Variants in ZFYVE28 observed in about 807,000 individuals in gnomAD.
ZFYVE28 encodes lateral signaling target protein 2 homolog.
In ZFYVE28, 40 loss-of-function variants were observed where a neutral mutation model predicts 82.1. The observed-to-expected ratio is 0.49, with a 90% CI of 0.38 to 0.63. ZFYVE28 has a LOEUF of 0.63. ZFYVE28 is among the 30% of genes least tolerant of loss of function. The pLI is 0.00. For missense variants in ZFYVE28, 1,321 were observed against 1,242.1 expected, an observed-to-expected ratio of 1.06 and a Z score of -0.96; for synonymous variants, 612 against 546.1, an observed-to-expected ratio of 1.12 and a Z score of -1.68.
At chr4:2,272,115 C>A (rs980525262) in intron 10 of ZFYVE28, among the ~76,000 whole-genome samples, 3 of 152,230 alleles carry the variant, frequency 2.0e-5, no homozygotes, top group Non-Finnish European at 4.4e-5. Context: ...GGCCATGTCA[C>A]CTGCCGTCTC....
rs2108694528 is a variant in ZFYVE28, at chr4:2,416,418, T to G, written c.39+1867A>C. Among the ~76,000 whole-genome samples, 1 of 152,296 alleles carries G rather than the reference T, an allele frequency of 6.6e-6. No homozygotes were observed. Among genetic ancestry groups the G allele is most frequent in the African/African-American group, 2.4e-5 (1 of 41,572 alleles). The stretch of plus-strand genomic sequence containing the variant: ...AAGTGCCTTCAGCGACACCAGAATG[T>G]TAGTTAAGACCTAAGACACATTTCT... On this transcript the variant is annotated intron_variant, in intron 1 of 12. Coordinates refer to ENST00000290974, the MANE Select transcript of ZFYVE28 (RefSeq NM_020972.3). This position sits in a 1 kb window ranked among gnomAD's most constrained non-coding sequence, Gnocchi z 4.6.
At chr4:2,391,589 C>T (rs1399613551) in intron 1 of ZFYVE28, among the ~76,000 whole-genome samples, 2 of 151,570 alleles carry the variant, frequency 1.3e-5, no homozygotes, top group East Asian at 1.9e-4. Flanking sequence ...ACCATCCCTC[C>T]CCAGAACTTT....
chr4:2,271,710 T>A lies in ZFYVE28; in HGVS notation c.2393A>T (p.Glu798Val). 6.2e-7 allele frequency: 1 copy of A among 1,613,896 alleles called. No homozygotes were observed. The highest frequency in any genetic ancestry group is 8.5e-7 in the Non-Finnish European group (1 of 1,180,000). Residue 798 changes from glutamate (E) to valine (V), a missense_variant, in exon 11 of 13, where the codon GAA (glutamate) becomes GTA (valine). By Grantham distance (121) the Glu-to-Val change is moderately radical. This residue lies in a region of ZFYVE28 where 978 missense variants were observed against 833.7 expected (regional missense o/e 1.17). Coordinates refer to ENST00000290974, the MANE Select transcript of ZFYVE28 (RefSeq NM_020972.3). The stretch of plus-strand genomic sequence containing the variant: ...CCCATCGCGGGTCTTGGCTGCCAGT[T>A]CAGAGGATGACAGGGTCTCCTGGCA... The part of the protein sequence containing the change: ...ALCQETLSSS[E>V]LAAKTRDGDF...
chr4:2,305,717 C>A (rs1001784619), intron 7 of ZFYVE28, among the ~76,000 whole-genome samples, 181 bp from the exon 8 acceptor site: 2 of 152,362 alleles, frequency 1.3e-5, no homozygotes, highest in East Asian at 3.9e-4. Context: ...AGGCTCCGGT[C>A]TCGCCGGCCA....
chr4:2,400,359 T>C (rs762599774), intron 1 of ZFYVE28, among the ~76,000 whole-genome samples: 2 of 152,076 alleles, frequency 1.3e-5, no homozygotes, highest in Non-Finnish European at 2.9e-5. Flanking sequence ...AAGTTAACTC[T>C]GTGACAGCAC....
At chr4:2,405,243 C>A (rs1203908762) in intron 1 of ZFYVE28, among the ~76,000 whole-genome samples, 1 of 152,136 alleles carries the variant, frequency 6.6e-6, no homozygotes. Flanking sequence ...ATACTCCAAG[C>A]GGCACCGCGA....
At chr4:2,348,168 G>A (rs1400189586) in intron 2 of ZFYVE28, among the ~76,000 whole-genome samples, 1 of 152,048 alleles carries the variant, frequency 6.6e-6, no homozygotes, top group South Asian at 2.1e-4. Flanking sequence ...GGATTATAAG[G>A]AAATATTACA....
At chr4:2,290,449 C>T (rs1237288303) in intron 8 of ZFYVE28, among the ~76,000 whole-genome samples, 5 of 152,208 alleles carry the variant, frequency 3.3e-5, no homozygotes, top group South Asian at 2.1e-4. Context: ...TCCATGATCC[C>T]GTAGCTACCC....
At chr4:2,345,713 C>G (rs1029489793) in intron 2 of ZFYVE28, among the ~76,000 whole-genome samples, 4 of 151,130 alleles carry the variant, frequency 2.6e-5, no homozygotes, top group African/African-American at 9.7e-5. Context: ...GCAGAAGACA[C>G]GTTTTTAAAA....
intron 8 of ZFYVE28, among the ~76,000 whole-genome samples, chr4:2,287,902 G>A (rs1003149404): frequency 3.3e-5 from 5 of 152,208 alleles, no homozygotes; most frequent in Non-Finnish European, 7.3e-5. Context: ...ATGGATGTGT[G>A]AATGCTCTGA....
intron 8 of ZFYVE28, among the ~76,000 whole-genome samples, chr4:2,294,038 T>C (rs972405081): frequency 6.6e-5 from 10 of 150,982 alleles, no homozygotes; most frequent in Middle Eastern, 3.6e-3. Context: ...AATTACTACA[T>C]AGATTCTACA....
chr4:2,294,073 GC>G (rs1714174791), intron 8 of ZFYVE28, among the ~76,000 whole-genome samples: 1 of 135,902 alleles, frequency 7.4e-6, no homozygotes, highest in East Asian at 2.0e-4. Flanking sequence ...ATCCCAGCAG[GC>G]TTTTTTTTTT....
chr4:2,290,585 G>A (rs1713485828), intron 8 of ZFYVE28, among the ~76,000 whole-genome samples: 1 of 152,200 alleles, frequency 6.6e-6, no homozygotes, highest in Non-Finnish European at 1.5e-5. Flanking sequence ...AGCAGAGCAG[G>A]ACACGACCAC....
chr4:2,303,559 T>C (rs565677925), intron 8 of ZFYVE28, among the ~76,000 whole-genome samples: 3 of 152,024 alleles, frequency 2.0e-5, no homozygotes, highest in Non-Finnish European at 2.9e-5. Flanking sequence ...AGGGGGTCAA[T>C]GGCCCTGACA....
intron 1 of ZFYVE28, among the ~76,000 whole-genome samples, chr4:2,370,334 C>T (rs1022429475): frequency 5.3e-5 from 8 of 152,096 alleles, no homozygotes; most frequent in East Asian, 1.9e-4. Context: ...TCCTATGGAT[C>T]GGCCCTGACC....
At chr4:2,290,852 G>A (rs1351740215) in intron 8 of ZFYVE28, among the ~76,000 whole-genome samples, 2 of 152,200 alleles carry the variant, frequency 1.3e-5, no homozygotes, top group East Asian at 1.9e-4. Flanking sequence ...GCCCTGCCTG[G>A]CCAAGATCTG....
In ZFYVE28 at chr4:2,304,762, G is replaced by A. The variant is rs1180176540; in HGVS notation, c.1578C>T (p.Ser526=). ...TVIFNPKSPT[S]LDSAVATQEA... Reference sequence around the variant, plus strand: ...CCTGGGTGGCGACCGCAGAGTCCAGGGAAGTGGGCGATTTGGGGTTGAAGA... The same window carrying A: ...CCTGGGTGGCGACCGCAGAGTCCAGAGAAGTGGGCGATTTGGGGTTGAAGA... Residue 526 remains serine, a synonymous_variant, in exon 8 of 13, where the codon TCC becomes TCT. Transcript: ENST00000290974. 2 of 1,612,672 alleles carry A rather than the reference G, an allele frequency of 1.2e-6. No homozygotes were observed. Among genetic ancestry groups the A allele is most frequent in the Non-Finnish European group, 1.7e-6 (2 of 1,179,950 alleles).
At chr4:2,345,604 G>T (rs1030393451) in intron 2 of ZFYVE28, among the ~76,000 whole-genome samples, 2 of 151,624 alleles carry the variant, frequency 1.3e-5, no homozygotes, top group African/African-American at 2.4e-5. Flanking sequence ...CCCAAAACGA[G>T]GAGGAATGAG....
chr4:2,353,729 C>T (rs758735696), intron 2 of ZFYVE28, among the ~76,000 whole-genome samples: 1 of 152,142 alleles, frequency 6.6e-6, no homozygotes, highest in Non-Finnish European at 1.5e-5. Context: ...GTGTCCCGTG[C>T]GGTTTCTCAC....
Sources: gnomAD v4.1 joint callset for allele counts (sites outside exome capture counted in the v4.1 genomes callset) on GRCh38, gnomAD v4.1.1 for gene constraint, gnomAD v4.1.1 regional missense constraint, Gnocchi (gnomAD v3.1) non-coding constraint, MANE v1.5 for transcripts, NCBI Gene and HGNC (gene_info 2026-07-23, HGNC 2026-07-21) for gene names.